Variants in ZNF558 observed in about 807,000 individuals in gnomAD.
ZNF558 encodes the protein zinc finger protein 558.
A neutral mutation model predicts 37.6 loss-of-function variants in ZNF558; 23 were observed. The observed-to-expected ratio is 0.61, with a 90% CI of 0.44 to 0.87. The LOEUF (loss-of-function observed/expected upper bound fraction) is 0.87, where lower values mean the gene tolerates loss of function less well. Ranked by LOEUF, ZNF558 falls within the 40% of genes least tolerant of loss-of-function variation. ZNF558 has a pLI of 0.00. For missense variants in ZNF558, 429 were observed against 483.7 expected (o/e 0.89, Z 1.06); for synonymous variants, 189 against 174.4 (o/e 1.08, Z -0.66).
intron 7 of ZNF558, among the ~76,000 whole-genome samples, chr19:8,815,100 C>T (rs550668961): frequency 1.9e-4 from 29 of 152,220 alleles, no homozygotes; most frequent in African/African-American, 6.5e-4. Context: ...AGGAAACAAA[C>T]GTTGGGCCCA....
At chr19:8,817,160 G>A in intron 7 of ZNF558, among the ~76,000 whole-genome samples, 1 of 152,090 alleles carries the variant, frequency 6.6e-6, no homozygotes, top group Non-Finnish European at 1.5e-5. Flanking sequence ...ATAGTAAATA[G>A]GCAGAAGTAG....
At chr19:8,815,756 G>A (rs548734567) in intron 7 of ZNF558, among the ~76,000 whole-genome samples, 3 of 151,958 alleles carry the variant, frequency 2.0e-5, no homozygotes, top group South Asian at 4.2e-4. Flanking sequence ...GCTGCACTCC[G>A]GCCTAGGTGA....
rs1555767100 is a variant in ZNF558, at chr19:8,809,851, C to G, written c.*1430G>C. 6.6e-6 allele frequency: 1 copy of G among 152,206 alleles called. No homozygotes were observed. The highest frequency in any genetic ancestry group is 1.9e-4 in the East Asian group (1 of 5,196). The allele number at this position is 152,206 out of a possible 1,614,324, so 9.4% of individuals were successfully genotyped here. A position where few individuals can be genotyped will look rare whatever the true frequency, so the allele number is the denominator to read the frequency against. ...GATAAAGGATATCCCACACTCAAAA[C>G]AGTGATTATACTTTTTGTTCCCAGT... On this transcript the variant is annotated 3_prime_UTR_variant, in exon 10 of 10. Coordinates refer to ENST00000601372, the MANE Select transcript of ZNF558 (RefSeq NM_144693.3).
rs1051888978 is a variant in ZNF558, at chr19:8,809,266, G to A, written c.*2015C>T. ...GGCCACTTTCCAAGAGACAGAATGG[G>A]TGAGGTGAATGGAAAATATGTGAGG... is the stretch of plus-strand genomic sequence containing the variant. On this transcript the variant is annotated 3_prime_UTR_variant, in exon 10 of 10. Transcript: ENST00000601372. 4 of 152,168 alleles carry A rather than the reference G, an allele frequency of 2.6e-5. No individual in the cohort carries two copies. Among genetic ancestry groups the A allele is most frequent in the African/African-American group, 7.2e-5 (3 of 41,436 alleles). 9.4% of individuals were successfully genotyped at this position (152,168 alleles called of 1,614,324 possible). A position where few individuals can be genotyped will look rare whatever the true frequency, so the allele number is the denominator to read the frequency against.
intron 7 of ZNF558, among the ~76,000 whole-genome samples, chr19:8,815,088 C>G (rs1187798447): frequency 6.6e-6 from 1 of 151,806 alleles, no homozygotes; most frequent in Non-Finnish European, 1.5e-5. Flanking sequence ...ATGAGGGAGG[C>G]AAGGAAACAA....
intron 6 of ZNF558, chr19:8,821,700 G>A (rs2044095925): frequency 3.8e-6 from 5 of 1,304,648 alleles, no homozygotes; most frequent in South Asian, 3.7e-5. Flanking sequence ...GTGAATGACT[G>A]ATTTCCGTGG....
In ZNF558 at chr19:8,822,568, T is replaced by A; in HGVS notation, c.31+61A>T. On this transcript the variant is annotated intron_variant, in intron 5 of 9. Coordinates refer to ENST00000601372, the MANE Select transcript of ZNF558 (RefSeq NM_144693.3). This position sits in a 1 kb window ranked among gnomAD's most constrained non-coding sequence, Gnocchi z 4.4. ...TCTGCCCAACCCCGCTCGTGTCCCATGCTGTGGGTCAGAACCTTTCAAGGC... is the reference window on the plus strand; with the variant it reads ...TCTGCCCAACCCCGCTCGTGTCCCAAGCTGTGGGTCAGAACCTTTCAAGGC... The A allele has an allele frequency of 1.2e-6, 2 of 1,611,360 alleles. No homozygotes were observed. Among genetic ancestry groups the A allele is most frequent in the Non-Finnish European group, 1.7e-6 (2 of 1,177,736 alleles).
In ZNF558 at chr19:8,809,517, A is replaced by G. The variant is rs1466484537; in HGVS notation, c.*1764T>C. ...TATTTGGCATACCAAGATAGAGAGA[A>G]AATAATCAGTATCATAAAGCTCATG... On this transcript the variant is annotated 3_prime_UTR_variant, in exon 10 of 10. Coordinates refer to ENST00000601372, the MANE Select transcript of ZNF558 (RefSeq NM_144693.3). 4 of 152,226 alleles carry G rather than the reference A, an allele frequency of 2.6e-5. No individual in the cohort carries two copies. Among genetic ancestry groups the G allele is most frequent in the Non-Finnish European group, 5.9e-5 (4 of 68,050 alleles). 9.4% of individuals were successfully genotyped at this position (152,226 alleles called of 1,614,324 possible).
chr19:8,830,129 G>T (rs995939333), intron 2 of ZNF558, among the ~76,000 whole-genome samples: 1 of 152,146 alleles, frequency 6.6e-6, no homozygotes, highest in Admixed American at 6.5e-5. Flanking sequence ...TGATGGTTTA[G>T]AAGTTTGGCG....
At chr19:8,813,026 A>G in intron 8 of ZNF558, 101 bp downstream of exon 8, 1 of 901,576 alleles carries the variant, frequency 1.1e-6, no homozygotes, top group Non-Finnish European at 1.8e-6. Flanking sequence ...AGGGTATTTT[A>G]CAAAGTTCCC....
intron 7 of ZNF558, 44 bp from the exon 8 acceptor site, chr19:8,813,266 G>A (rs782271763): frequency 6.7e-5 from 99 of 1,471,406 alleles, no homozygotes; most frequent in Non-Finnish European, 9.2e-5. Flanking sequence ...ACAGTGCTGG[G>A]GACAACCAAG....
upstream of ZNF558, among the ~76,000 whole-genome samples, chr19:8,837,069 T>C (rs1337237979): frequency 6.6e-6 from 1 of 152,218 alleles, no homozygotes; most frequent in Non-Finnish European, 1.5e-5. Context: ...GCCTCTCAAG[T>C]AATGCAAAAC....
At chr19:8,813,257 C>G in intron 7 of ZNF558, 35 bp from the exon 8 acceptor site, 1 of 1,521,276 alleles carries the variant, frequency 6.6e-7, no homozygotes, top group Non-Finnish European at 9.0e-7. Flanking sequence ...ATATAGGTAA[C>G]AGTGCTGGGG....
At chr19:8,830,591 C>A (rs1472788518) in intron 2 of ZNF558, among the ~76,000 whole-genome samples, 3 of 152,090 alleles carry the variant, frequency 2.0e-5, no homozygotes, top group Non-Finnish European at 4.4e-5. Context: ...GCCAATATGC[C>A]TTTAGAAATC....
At chr19:8,817,689 T>C (rs947154599) in intron 7 of ZNF558, among the ~76,000 whole-genome samples, 4 of 152,242 alleles carry the variant, frequency 2.6e-5, no homozygotes, top group East Asian at 1.9e-4. Context: ...ATATGGCCAA[T>C]AGTGAAAGAA....
chr19:8,812,101 A>G, intron 9 of ZNF558, 38 bp from the exon 10 acceptor site: 2 of 1,422,900 alleles, frequency 1.4e-6, no homozygotes, highest in East Asian at 2.5e-5. Context: ...ATAATTTATA[A>G]TATTTGAAAT....
chr19:8,824,890 C>T (rs2044196175), intron 3 of ZNF558, 112 bp downstream of exon 3: 1 of 152,456 alleles, frequency 6.6e-6, no homozygotes, highest in Non-Finnish European at 1.5e-5. Context: ...CCATCCCAGC[C>T]ACAGCTCTTC....
intron 7 of ZNF558, among the ~76,000 whole-genome samples, chr19:8,817,288 A>G (rs1240227225): frequency 6.6e-6 from 1 of 152,182 alleles, no homozygotes; most frequent in African/African-American, 2.4e-5. Flanking sequence ...TAACTTTATG[A>G]TGGTACAAAG....
Position 8,811,127 on chromosome 19 carries a change from A to T in ZNF558, c.*154T>A. 1.5e-6 allele frequency: 1 copy of T among 660,366 alleles called. No homozygotes were observed. The highest frequency in any genetic ancestry group is 2.5e-6 in the Non-Finnish European group (1 of 401,546). The allele number at this position is 660,366 out of a possible 1,614,324, so 40.9% of individuals were successfully genotyped here. A position where few individuals can be genotyped will look rare whatever the true frequency, so the allele number is the denominator to read the frequency against. ...GAATTCCTGATCTGTAGAAATTGTT[A>T]GAGAATAAACATTTCGTGTTTGAAG... On this transcript the variant is annotated 3_prime_UTR_variant, in exon 10 of 10. Transcript: ENST00000601372.
Sources: gnomAD v4.1 joint callset for allele counts (sites outside exome capture counted in the v4.1 genomes callset) on GRCh38, gnomAD v4.1.1 for gene constraint, Gnocchi (gnomAD v3.1) non-coding constraint, MANE v1.5 for transcripts, NCBI Gene and HGNC (gene_info 2026-07-23, HGNC 2026-07-21) for gene names.